Variants in MAF observed in about 807,000 individuals in gnomAD.
MAF encodes the protein transcription factor Maf.
In MAF, 10 loss-of-function variants were observed where a neutral mutation model predicts 22.0. The ratio of observed to expected loss-of-function variants is 0.45; its 90% CI spans 0.28 to 0.77. The LOEUF (loss-of-function observed/expected upper bound fraction) is 0.77. Ranked by LOEUF, MAF falls within the 30% of genes least tolerant of loss-of-function variation. The probability of loss-of-function intolerance (pLI) is 0.12; values close to 1 mark genes in which losing one functional copy is unlikely to be tolerated. For synonymous variants in MAF, 337 were observed against 255.8 expected (o/e 1.32, Z -3.03); for missense variants, 544 against 548.4 (o/e 0.99, Z 0.08).
the MAF span, among the ~76,000 whole-genome samples, chr16:79,335,010 C>G: frequency 1.3e-5 from 2 of 151,642 alleles, no homozygotes; most frequent in Non-Finnish European, 2.9e-5. Context: ...CATGGTGAAA[C>G]CCTGTCTCTA....
the MAF span, among the ~76,000 whole-genome samples, chr16:79,397,197 C>T: frequency 6.6e-6 from 1 of 152,208 alleles, no homozygotes; most frequent in African/African-American, 2.4e-5. Flanking sequence ...GGTTTGAATC[C>T]TTTGGCAATC....
chr16:79,253,545 C>G, the MAF span, among the ~76,000 whole-genome samples: 4 of 152,178 alleles, frequency 2.6e-5, no homozygotes, highest in African/African-American at 7.2e-5. Flanking sequence ...CGTGGCCTCT[C>G]TTTTCTAAGG....
chr16:79,593,047 C>T (rs564158315), downstream of MAF, among the ~76,000 whole-genome samples: 1 of 152,176 alleles, frequency 6.6e-6, no homozygotes, highest in South Asian at 2.1e-4. Context: ...GTCTTCCAAC[C>T]TATCTCAGTC....
the MAF span, among the ~76,000 whole-genome samples, chr16:79,401,862 A>G: frequency 6.6e-6 from 1 of 152,166 alleles, no homozygotes; most frequent in Admixed American, 6.5e-5. Context: ...GGCTAGGGTC[A>G]TTGATGGTGG....
At chr16:79,309,677 C>T in the MAF span, among the ~76,000 whole-genome samples, 1 of 152,172 alleles carries the variant, frequency 6.6e-6, no homozygotes, top group Non-Finnish European at 1.5e-5. Context: ...GAACGGATGT[C>T]GAGTTGTTTA....
the MAF span, among the ~76,000 whole-genome samples, chr16:79,381,484 G>GAAA: frequency 9.9e-5 from 15 of 152,186 alleles, no homozygotes; most frequent in Admixed American, 2.6e-4. Flanking sequence ...GGCTAATGAC[G>GAAA]GTGCCTAAAA....
chr16:79,553,040 G>C, the MAF span, among the ~76,000 whole-genome samples: 1 of 152,224 alleles, frequency 6.6e-6, no homozygotes, highest in Non-Finnish European at 1.5e-5. Flanking sequence ...TCCAGGTTGT[G>C]TGATCTTTGA....
At chr16:79,580,306 G>C in the MAF span, among the ~76,000 whole-genome samples, 5 of 152,170 alleles carry the variant, frequency 3.3e-5, no homozygotes, top group Admixed American at 2.6e-4. Context: ...CTAGGGTCTT[G>C]TCAGGATGCT....
At chr16:79,546,623 G>A in the MAF span, among the ~76,000 whole-genome samples, 2 of 152,170 alleles carry the variant, frequency 1.3e-5, no homozygotes, top group Non-Finnish European at 2.9e-5. Flanking sequence ...GGAAGAAGTT[G>A]GCTCTAAACT....
At chr16:79,291,437 T>G in the MAF span, among the ~76,000 whole-genome samples, 1 of 152,166 alleles carries the variant, frequency 6.6e-6, no homozygotes, top group East Asian at 1.9e-4. Flanking sequence ...ATTCTGGCTC[T>G]AAAGCATGAT....
the MAF span, among the ~76,000 whole-genome samples, chr16:79,561,503 T>A: frequency 6.8e-6 from 1 of 146,796 alleles, no homozygotes; most frequent in African/African-American, 2.5e-5. Context: ...TGTGTGATGT[T>A]CCCCTTCCTG....
chr16:79,472,817 A>T, the MAF span, among the ~76,000 whole-genome samples: 4 of 152,022 alleles, frequency 2.6e-5, no homozygotes, highest in African/African-American at 9.7e-5. Flanking sequence ...GAAGGAAAGA[A>T]AGAGAGAAAG....
the MAF span, among the ~76,000 whole-genome samples, chr16:79,387,762 G>C: frequency 6.6e-6 from 1 of 152,098 alleles, no homozygotes; most frequent in Admixed American, 6.5e-5. Flanking sequence ...CTACTTACAA[G>C]TAACTGTAGC....
At chr16:79,403,222 G>T in the MAF span, among the ~76,000 whole-genome samples, 1 of 152,196 alleles carries the variant, frequency 6.6e-6, no homozygotes, top group African/African-American at 2.4e-5. Context: ...CCGCTAAAAT[G>T]TATGCCCATC....
At chr16:79,233,636 C>T in the MAF span, among the ~76,000 whole-genome samples, 29 of 151,960 alleles carry the variant, frequency 1.9e-4, 1 homozygote, top group Non-Finnish European at 3.7e-4. Context: ...GATGGGATAC[C>T]GTTAAAACTT....
rs1913812347 is a variant in MAF at position 79,599,201 on chromosome 16, T to TCCGCCGCCGCCGCCGCCGCCGCCGCCC, written c.675_701dup (p.Gly230_Gly238dup). ...CCGCCCCCGCCGCGCCCCCGCCGCC[T>TCCGCCGCCGCCGCCGCCGCCGCCGCCC]CCGCCGCCGCCGCCGCCGCCGCCGC... On this transcript the variant is annotated inframe_insertion, in exon 1 of 2. Transcript: ENST00000326043. 1 of 956,444 alleles carries TCCGCCGCCGCCGCCGCCGCCGCCGCCC rather than the reference T, an allele frequency of 1.0e-6. No individual in the cohort carries two copies. The highest frequency in any genetic ancestry group is 1.2e-6 in the Non-Finnish European group (1 of 805,882). The allele number at this position is 956,444 out of a possible 1,614,324, so 59.2% of individuals were successfully genotyped here.
chr16:79,309,757 C>A, the MAF span, among the ~76,000 whole-genome samples: 87 of 152,276 alleles, frequency 5.7e-4, no homozygotes, highest in African/African-American at 1.9e-3. Flanking sequence ...TCCCTCCCAG[C>A]CAGGCATGTG....
chr16:79,398,229 T>A, the MAF span, among the ~76,000 whole-genome samples: 2 of 152,170 alleles, frequency 1.3e-5, no homozygotes, highest in Non-Finnish European at 2.9e-5. Context: ...GCCACTTTCT[T>A]ATAAGGACCT....
chr16:79,535,735 C>G, the MAF span, among the ~76,000 whole-genome samples: 1 of 151,716 alleles, frequency 6.6e-6, no homozygotes. Flanking sequence ...GTAGCTGGGA[C>G]TACAGGCACG....
Sources: allele counts gnomAD v4.1 joint callset (sites outside exome capture counted in the v4.1 genomes callset), GRCh38; gene constraint gnomAD v4.1.1; transcripts MANE v1.5; gene names NCBI Gene and HGNC (gene_info 2026-07-23, HGNC 2026-07-21).